The following CAMSAP1 variants were observed in gnomAD, a reference collection of about 807,000 sequenced individuals.
CAMSAP1 encodes calmodulin regulated spectrin associated protein 1.
Under a neutral mutation model 143.5 loss-of-function variants are expected in CAMSAP1, and 58 were observed. The ratio of observed to expected loss-of-function variants is 0.40; its 90% confidence interval spans 0.33 to 0.50. CAMSAP1 has a LOEUF of 0.50. CAMSAP1 is among the 20% of genes least tolerant of loss of function. The pLI is 0.45. For missense variants in CAMSAP1, 1,969 were observed against 2,115.7 expected, an observed-to-expected ratio of 0.93 and a Z score of 1.36; for synonymous variants, 945 against 859.3, an observed-to-expected ratio of 1.10 and a Z score of -1.74.
In CAMSAP1 at chr9:135,818,009, C is replaced by G; in HGVS notation, c.4239G>C (p.Glu1413Asp). ...AGGGTGTGCCCCCGGAATGAACGCT[C>G]TCGGGTTCTGTCGTCGCCGCAGAGG... ...SLASAATTEPESVHSGGTPSQ... is the reference protein window; with the variant it reads ...SLASAATTEPDSVHSGGTPSQ... Residue 1413 changes from glutamate (E) to aspartate (D), a missense_variant, in exon 14 of 17, where the codon GAG (glutamate) becomes GAC (aspartate). Physicochemically the swap from Glu to Asp is conservative, Grantham distance 45. Around this residue, in one of 4 missense-constraint regions of CAMSAP1, gnomAD observed 1,390 missense variants for 1,420.8 expected, o/e 0.98. Coordinates refer to ENST00000389532, the MANE Select transcript of CAMSAP1 (RefSeq NM_015447.4). This position sits in a 1 kb window ranked among gnomAD's most constrained non-coding sequence, Gnocchi z 7.7. The G allele has an allele frequency of 1.2e-6, 2 of 1,613,952 alleles. No homozygotes were observed. The highest frequency in any genetic ancestry group is 1.7e-6 in the Non-Finnish European group (2 of 1,179,898).
In CAMSAP1 at chr9:135,821,109, A is replaced by G; in HGVS notation, c.3552T>C (p.Ser1184=). ...ESNQRTLTLS[S]SKDANILSEQ... is the part of the protein sequence containing the mutation. ...CCGAAAGAATGTTGGCATCTTTGGA[A>G]GAGGACAGAGTAAGTGTCCGCTGAT... Residue 1184 remains serine, a synonymous_variant, in exon 11 of 17, where the codon TCT becomes TCC. Coordinates refer to ENST00000389532, the MANE Select transcript of CAMSAP1 (RefSeq NM_015447.4). This position sits in a 1 kb window ranked among gnomAD's most constrained non-coding sequence, Gnocchi z 4.6. 6.2e-7 allele frequency: 1 copy of G among 1,613,832 alleles called. No homozygotes were observed. The highest frequency in any genetic ancestry group is 8.5e-7 in the Non-Finnish European group (1 of 1,179,898).
chr9:135,878,713 G>C (rs1435454823), intron 3 of CAMSAP1, among the ~76,000 whole-genome samples: 1 of 152,118 alleles, frequency 6.6e-6, no homozygotes, highest in African/African-American at 2.4e-5. Flanking sequence ...GTTTGCTCGG[G>C]GAACTCGCAC....
At chr9:135,898,583 T>C (rs990649663) in intron 1 of CAMSAP1, among the ~76,000 whole-genome samples, 2 of 152,150 alleles carry the variant, frequency 1.3e-5, no homozygotes, top group Non-Finnish European at 2.9e-5. Context: ...AGATACTTCA[T>C]AGAAAAAGGT....
intron 7 of CAMSAP1, chr9:135,836,207 A>T (rs750038860): frequency 6.1e-6 from 6 of 985,242 alleles, no homozygotes; most frequent in Non-Finnish European, 7.2e-6. Context: ...CCGCAGCCAC[A>T]CATCGCCAAG....
intron 7 of CAMSAP1, among the ~76,000 whole-genome samples, chr9:135,847,868 C>G (rs1431581569): frequency 3.7e-3 from 1 of 270 alleles, no homozygotes; most frequent in South Asian, 0.038. Context: ...GGGGAGGGGG[C>G]AGGGAAGGGG....
In CAMSAP1 at chr9:135,824,570, C is replaced by T. The variant is rs1304436912; in HGVS notation, c.1315+219G>A. On this transcript the variant is annotated intron_variant, in intron 9 of 16. Coordinates refer to ENST00000389532, the MANE Select transcript of CAMSAP1 (RefSeq NM_015447.4). This position sits in a 1 kb window ranked among gnomAD's most constrained non-coding sequence, Gnocchi z 4.1. Reference sequence around the variant, plus strand: ...ATCCCAGCTATGTGGGAGGCTGAGGCAGGAGAATTGCTTGAACCAGGGAGT... The same window carrying T: ...ATCCCAGCTATGTGGGAGGCTGAGGTAGGAGAATTGCTTGAACCAGGGAGT... Among the ~76,000 whole-genome samples the T allele has an allele frequency of 6.6e-6, 1 of 152,154 alleles. No individual in the cohort carries two copies. Among genetic ancestry groups the T allele is most frequent in the Non-Finnish European group, 1.5e-5 (1 of 68,038 alleles).
chr9:135,882,983 C>T lies in CAMSAP1; in HGVS notation c.256G>A (p.Glu86Lys), dbSNP rs760859269. The change falls in exon 2 of 17, where the codon GAG becomes AAG. Residue 86 changes from glutamate to lysine, a missense_variant. This residue lies in a region of CAMSAP1 where 215 missense variants were observed against 196.2 expected (regional missense o/e 1.10). Transcript: ENST00000389532. The surrounding 1 kb of genome is among the most constrained non-coding windows in gnomAD (Gnocchi z 4.9). ...PPVIKLLLSS[E>K]LYCRVCSLIL... Reference sequence around the variant, plus strand: ...AGGCTGCAGACACGGCAGTACAGCTCGCTGGACAGGAGAAGCTTGATAACA... The same window carrying T: ...AGGCTGCAGACACGGCAGTACAGCTTGCTGGACAGGAGAAGCTTGATAACA... 7 of 1,551,724 alleles carry T rather than the reference C, an allele frequency of 4.5e-6. No individual in the cohort carries two copies. Among genetic ancestry groups the T allele is most frequent in the Admixed American group, 3.9e-5 (2 of 51,002 alleles).
Position 135,878,758 on chromosome 9 carries a change from T to G in CAMSAP1, c.585+2875A>C, listed in dbSNP as rs192738084. Among the ~76,000 whole-genome samples, 8 of 152,186 alleles carry G rather than the reference T, an allele frequency of 5.3e-5. No individual in the cohort carries two copies. The East Asian group carries it at 1.5e-3, about 29-fold the overall frequency. On this transcript the variant is annotated intron_variant, in intron 3 of 16. Coordinates refer to ENST00000389532, the MANE Select transcript of CAMSAP1 (RefSeq NM_015447.4). ...ACCCGGGCATTCACACTGCAAAAGG[T>G]GCTTTGGAAGCATTCAGCCGGTATC...
In CAMSAP1 at chr9:135,818,388, T is replaced by A. The variant is rs1439030942; in HGVS notation, c.4168+20A>T. ...CCCGCGGAAGGAAGCGCTGCCCGCGTGAGGGCCGGGGCTGCTTACGGGTGG... is the reference window on the plus strand; with the variant it reads ...CCCGCGGAAGGAAGCGCTGCCCGCGAGAGGGCCGGGGCTGCTTACGGGTGG... On this transcript the variant is annotated intron_variant, in intron 13 of 16. Coordinates refer to ENST00000389532, the MANE Select transcript of CAMSAP1 (RefSeq NM_015447.4). The surrounding 1 kb of genome is among the most constrained non-coding windows in gnomAD (Gnocchi z 7.7). The A allele has an allele frequency of 3.9e-6, 6 of 1,546,498 alleles. No individual in the cohort carries two copies. The highest frequency in any genetic ancestry group is 4.8e-5 in the East Asian group (2 of 42,054).
At chr9:135,888,176 G>A (rs1276740503) in intron 1 of CAMSAP1, among the ~76,000 whole-genome samples, 1 of 152,208 alleles carries the variant, frequency 6.6e-6, no homozygotes, top group Non-Finnish European at 1.5e-5. Context: ...TGTCCGTTCC[G>A]AACAACGAAA....
At chr9:135,873,186 CTCTT>C (rs1311008411) in intron 3 of CAMSAP1, among the ~76,000 whole-genome samples, 2 of 152,176 alleles carry the variant, frequency 1.3e-5, no homozygotes, top group African/African-American at 4.8e-5. Flanking sequence ...TCTAGAACCT[CTCTT>C]TAAGTATCTG....
intron 3 of CAMSAP1, among the ~76,000 whole-genome samples, chr9:135,880,628 C>G (rs966203833): frequency 1.3e-5 from 2 of 152,182 alleles, no homozygotes; most frequent in African/African-American, 2.4e-5. Flanking sequence ...AGGGGTCTTC[C>G]AGGGAGCCAG....
chr9:135,854,171 T>A (rs1302908418), intron 5 of CAMSAP1, among the ~76,000 whole-genome samples: 2 of 152,218 alleles, frequency 1.3e-5, no homozygotes, highest in African/African-American at 4.8e-5. Context: ...AGTTGGTCCC[T>A]GTGGATGTAT....
At chr9:135,897,873 C>T (rs948041353) in intron 1 of CAMSAP1, among the ~76,000 whole-genome samples, 1 of 152,160 alleles carries the variant, frequency 6.6e-6, no homozygotes, top group African/African-American at 2.4e-5. Flanking sequence ...TTACTGATAA[C>T]AGGGGACTAC....
intron 1 of CAMSAP1, among the ~76,000 whole-genome samples, chr9:135,895,731 A>G (rs1838426460): frequency 1.3e-5 from 2 of 152,210 alleles, no homozygotes; most frequent in Admixed American, 6.5e-5. Flanking sequence ...TGGTCAAGAC[A>G]GTGGTATTTA....
chr9:135,855,044 T>G (rs1281252827), intron 5 of CAMSAP1, among the ~76,000 whole-genome samples: 2 of 151,876 alleles, frequency 1.3e-5, no homozygotes, highest in Admixed American at 1.3e-4. Flanking sequence ...CAGGCTGGAG[T>G]GCAGTGGCGT....
rs772514233 is a variant in CAMSAP1, at chr9:135,821,357, C to T, written c.3304G>A (p.Gly1102Arg). ...RLGQGRNSRS[G>R]RPAELKVPKD... is the part of the protein sequence containing the mutation. The stretch of plus-strand genomic sequence containing the variant: ...GGGACCTTCAGCTCCGCCGGCCTTC[C>T]GGAACGGGAATTCCGGCCTTGACCC... Residue 1102 changes from glycine to arginine, a missense_variant, in exon 11 of 17, where the codon GGA (glycine) becomes AGA (arginine). Around this residue, in one of 4 missense-constraint regions of CAMSAP1, gnomAD observed 1,390 missense variants for 1,420.8 expected, o/e 0.98. Coordinates refer to ENST00000389532, the MANE Select transcript of CAMSAP1 (RefSeq NM_015447.4). The surrounding 1 kb of genome is among the most constrained non-coding windows in gnomAD (Gnocchi z 4.6). 9.3e-6 allele frequency: 15 copies of T among 1,613,636 alleles called. No individual in the cohort carries two copies. Among genetic ancestry groups the T allele is most frequent in the East Asian group, 2.2e-5 (1 of 44,882 alleles).
rs1372922553 is a variant in CAMSAP1, at chr9:135,907,232, G to A, written c.-73C>T. On this transcript the variant is annotated 5_prime_UTR_variant, in exon 1 of 17. Transcript: ENST00000389532. ...GCCGCCCCTCGCCGCGCCGGGCCCG[G>A]TGCGCCCCGAGCCACCACTCGGCCC... is the stretch of plus-strand genomic sequence containing the variant. The A allele has an allele frequency of 1.8e-5, 17 of 961,424 alleles. No individual in the cohort carries two copies. Among genetic ancestry groups the A allele is most frequent in the Non-Finnish European group, 2.0e-5 (16 of 801,498 alleles). 59.6% of individuals were successfully genotyped at this position (961,424 alleles called of 1,614,324 possible). A position where few individuals can be genotyped will look rare whatever the true frequency, so the allele number is the denominator to read the frequency against.
intron 1 of CAMSAP1, among the ~76,000 whole-genome samples, chr9:135,896,803 C>A (rs1279400952): frequency 6.6e-6 from 1 of 152,196 alleles, no homozygotes; most frequent in African/African-American, 2.4e-5. Context: ...GCAACCTAAT[C>A]CCCAATGTGG....
Sources: allele counts gnomAD v4.1 joint callset (sites outside exome capture counted in the v4.1 genomes callset), GRCh38; gene constraint gnomAD v4.1.1; regional missense constraint gnomAD v4.1.1; non-coding constraint Gnocchi (gnomAD v3.1); transcripts MANE v1.5; gene names NCBI Gene and HGNC (gene_info 2026-07-23, HGNC 2026-07-21).